Variants in SNTG2 observed in about 807,000 individuals in gnomAD.
SNTG2 encodes gamma-2-syntrophin.
SNTG2 carries 74 observed loss-of-function variants against 70.9 expected under a neutral mutation model. The observed-to-expected ratio is 1.04, with a 90% CI of 0.86 to 1.27. The LOEUF (loss-of-function observed/expected upper bound fraction) is 1.27, where lower values mean the gene tolerates loss of function less well. Among genes scored for constraint, SNTG2 ranks in the 50% most tolerant of loss-of-function variants. The pLI is 0.00. For missense variants in SNTG2, 717 were observed against 690.7 expected, an observed-to-expected ratio of 1.04 and a Z score of -0.43; for synonymous variants, 278 against 273.8, an observed-to-expected ratio of 1.02 and a Z score of -0.15.
At chr2:1,136,819 T>A (rs1668415411) in intron 4 of SNTG2, among the ~76,000 whole-genome samples, 2 of 152,218 alleles carry the variant, frequency 1.3e-5, no homozygotes, top group African/African-American at 4.8e-5. Flanking sequence ...CTGCATAGAT[T>A]ATAGTCAAAC....
chr2:1,257,407 G>A (rs895549061), intron 12 of SNTG2, among the ~76,000 whole-genome samples: 16 of 152,130 alleles, frequency 1.1e-4, no homozygotes, highest in African/African-American at 1.4e-4. Flanking sequence ...GGGGAGACAC[G>A]GCCACTGGCA....
chr2:1,358,878 G>A (rs1660995738), intron 16 of SNTG2, among the ~76,000 whole-genome samples: 1 of 152,042 alleles, frequency 6.6e-6, no homozygotes, highest in South Asian at 2.1e-4. Flanking sequence ...GTTCAAACTT[G>A]TTTTCTTATT....
At chr2:960,284 G>A (rs1660303574) in intron 1 of SNTG2, among the ~76,000 whole-genome samples, 2 of 152,226 alleles carry the variant, frequency 1.3e-5, no homozygotes, top group Admixed American at 1.3e-4. Flanking sequence ...TCCCTGGTAG[G>A]ATCCCACAGT....
chr2:1,105,529 G>A (rs1666061923), intron 4 of SNTG2, among the ~76,000 whole-genome samples: 2 of 152,148 alleles, frequency 1.3e-5, no homozygotes, highest in African/African-American at 4.8e-5. Flanking sequence ...AGCCTACTTA[G>A]CAACCGCTCT....
intron 13 of SNTG2, among the ~76,000 whole-genome samples, chr2:1,262,575 G>A (rs991867517): frequency 1.7e-5 from 2 of 120,800 alleles, no homozygotes; most frequent in African/African-American, 8.3e-5. Context: ...GAAGAAGCCG[G>A]GTCAAGTCTC....
At chr2:1,052,057 T>A (rs1021873579) in intron 1 of SNTG2, among the ~76,000 whole-genome samples, 60 of 152,222 alleles carry the variant, frequency 3.9e-4, no homozygotes, top group African/African-American at 1.2e-3. Flanking sequence ...GGATTTTTTT[T>A]ATTTATATTC....
At chr2:1,213,043 T>G (rs1674148532) in intron 9 of SNTG2, among the ~76,000 whole-genome samples, 1 of 152,238 alleles carries the variant, frequency 6.6e-6, no homozygotes, top group African/African-American at 2.4e-5. Context: ...TCTGTCCTTG[T>G]CCAAGTATAG....
At chr2:1,302,144 A>T (rs547445090) in intron 14 of SNTG2, among the ~76,000 whole-genome samples, 6 of 152,154 alleles carry the variant, frequency 3.9e-5, no homozygotes, top group African/African-American at 1.2e-4. Flanking sequence ...TGTATTTAGT[A>T]GAGACAGGGT....
rs527512190 is a variant in SNTG2 at position 1,057,336 on chromosome 2, C to T, written c.73-26182C>T. 3.3e-5 allele frequency among the ~76,000 whole-genome samples: 5 copies of T among 152,076 alleles called. No individual in the cohort carries two copies. The South Asian group carries it at 1.0e-3, about 32-fold the overall frequency. ...CTGAAAGGAGAGTTGGTGTATTAGT[C>T]AGGGTTCTCCAGAGGGACAGAATTA... On this transcript the variant is annotated intron_variant, in intron 1 of 16. Coordinates refer to ENST00000308624, the MANE Select transcript of SNTG2 (RefSeq NM_018968.4).
chr2:1,328,535 C>A (rs1159113150), intron 16 of SNTG2, among the ~76,000 whole-genome samples: 1 of 151,966 alleles, frequency 6.6e-6, no homozygotes, highest in Non-Finnish European at 1.5e-5. Flanking sequence ...TTTTTAGGTC[C>A]TCTCTTGTGG....
intron 4 of SNTG2, among the ~76,000 whole-genome samples, chr2:1,106,077 C>CTGTG (rs1558404908): frequency 0.02 from 1,858 of 93,178 alleles, 28 homozygotes; most frequent in South Asian, 0.086. Context: ...TAGTGGACAC[C>CTGTG]TGCTGTCACT....
At chr2:1,288,619 A>T (rs1213954593) in intron 14 of SNTG2, among the ~76,000 whole-genome samples, 1 of 151,336 alleles carries the variant, frequency 6.6e-6, no homozygotes, top group East Asian at 1.9e-4. Context: ...AAGCATACAT[A>T]CACATGGGCA....
At chr2:1,304,203 C>T (rs1440096762) in intron 14 of SNTG2, among the ~76,000 whole-genome samples, 1 of 152,228 alleles carries the variant, frequency 6.6e-6, no homozygotes, top group Non-Finnish European at 1.5e-5. Flanking sequence ...CAAGAAAGCA[C>T]TAGGTGACCT....
chr2:1,260,788 C>T (rs1678372258), intron 13 of SNTG2, among the ~76,000 whole-genome samples: 3 of 152,170 alleles, frequency 2.0e-5, no homozygotes, highest in South Asian at 2.1e-4. Context: ...CAGAAGAATT[C>T]GTAGAAGAAT....
intron 1 of SNTG2, among the ~76,000 whole-genome samples, chr2:1,027,849 C>G (rs1660573152): frequency 6.6e-6 from 1 of 150,982 alleles, no homozygotes; most frequent in African/African-American, 2.4e-5. Flanking sequence ...TGCGTCTGAC[C>G]CACAGACACT....
intron 1 of SNTG2, 71 bp from the exon 2 acceptor site, chr2:1,083,447 T>A (rs1356867935): frequency 1.3e-6 from 2 of 1,557,074 alleles, no homozygotes; most frequent in Non-Finnish European, 1.8e-6. Context: ...GCAGGAGGCG[T>A]GCGTCACCTA....
intron 16 of SNTG2, among the ~76,000 whole-genome samples, chr2:1,350,815 A>G (rs1456032272): frequency 1.3e-5 from 2 of 152,216 alleles, no homozygotes; most frequent in Non-Finnish European, 2.9e-5. Flanking sequence ...CCAACAGGCT[A>G]TAATGACTAG....
intron 12 of SNTG2, among the ~76,000 whole-genome samples, chr2:1,257,586 T>G (rs1031954651): frequency 2.0e-5 from 3 of 152,196 alleles, no homozygotes. Context: ...AAGCTTTGTC[T>G]TAGAACATGA....
In SNTG2 at chr2:1,308,603, G is replaced by A. The variant is rs976081156; in HGVS notation, c.1377+17G>A. ...AAGACCAAGGTAAGAGGCCAAGCAG[G>A]CATCCATGCCGCCCCATTGCCATGT... On this transcript the variant is annotated intron_variant, in intron 15 of 16. Coordinates refer to ENST00000308624, the MANE Select transcript of SNTG2 (RefSeq NM_018968.4). The A allele has an allele frequency of 1.3e-5, 20 of 1,542,654 alleles. No homozygotes were observed. The highest frequency in any genetic ancestry group is 2.4e-5 in the East Asian group (1 of 40,872).
Sources: allele counts gnomAD v4.1 joint callset (sites outside exome capture counted in the v4.1 genomes callset), GRCh38; gene constraint gnomAD v4.1.1; transcripts MANE v1.5; gene names NCBI Gene and HGNC (gene_info 2026-07-23, HGNC 2026-07-21).